JMY: variants seen among roughly 807,000 people sequenced by gnomAD.
JMY encodes junction mediating and regulatory protein, p53 cofactor.
A neutral mutation model predicts 103.3 loss-of-function variants in JMY; 46 were observed. The ratio of observed to expected loss-of-function variants is 0.45; its 90% CI spans 0.35 to 0.57. The LOEUF (loss-of-function observed/expected upper bound fraction) is 0.57, where lower values mean the gene tolerates loss of function less well. Among genes scored for constraint, JMY ranks in the 20% least tolerant of loss-of-function variants. The probability of loss-of-function intolerance (pLI) is 0.00; values close to 1 mark genes in which losing one functional copy is unlikely to be tolerated. For synonymous variants in JMY, 526 were observed against 489.3 expected, an observed-to-expected ratio of 1.07 and a Z score of -0.99; for missense variants, 1,238 against 1,255.2, an observed-to-expected ratio of 0.99 and a Z score of 0.21.
chr5:79,271,513 C>CCCAG (rs1745782314), intron 1 of JMY, among the ~76,000 whole-genome samples: 1 of 152,104 alleles, frequency 6.6e-6, no homozygotes, highest in East Asian at 1.9e-4. Context: ...GGGCCTGATG[C>CCCAG]ATTCTGTTTT....
chr5:79,302,565 C>T (rs1580365962), intron 6 of JMY, among the ~76,000 whole-genome samples: 1 of 152,156 alleles, frequency 6.6e-6, no homozygotes, highest in Non-Finnish European at 1.5e-5. Flanking sequence ...ACAAGCAGGA[C>T]AGAATAGTTT....
intron 10 of JMY, among the ~76,000 whole-genome samples, chr5:79,319,813 C>T (rs1054220146): frequency 6.6e-6 from 1 of 152,112 alleles, no homozygotes; most frequent in Non-Finnish European, 1.5e-5. Flanking sequence ...CTCCTGATCT[C>T]AGGTGATCCA....
chr5:79,264,722 C>A (rs562956340), intron 1 of JMY, among the ~76,000 whole-genome samples: 23 of 152,226 alleles, frequency 1.5e-4, no homozygotes, highest in Non-Finnish European at 2.5e-4. Context: ...CCTTCTAACG[C>A]TGAAGATCAT....
intron 10 of JMY, among the ~76,000 whole-genome samples, chr5:79,319,666 G>A (rs1430353423): frequency 6.6e-6 from 1 of 151,218 alleles, no homozygotes; most frequent in East Asian, 2.0e-4. Flanking sequence ...ACTGCAACCT[G>A]TGCCTCGTGA....
chr5:79,237,237 T>C lies in JMY; in HGVS notation c.587T>C (p.Leu196Pro), dbSNP rs1744549740. Residue 196 changes from leucine (L) to proline (P), a missense_variant, in exon 1 of 11, where the codon CTG (leucine) becomes CCG (proline). Physicochemically the swap from Leu to Pro is moderately conservative, Grantham distance 98. Transcript: ENST00000396137. ...ACGGTCTCCGAGGAGATAGAGGTGC[T>C]GGAAATGGTGAAGGAGGACGAGGCA... The part of the protein sequence containing the change: ...SGTVSEEIEV[L>P]EMVKEDEAPL... The C allele has an allele frequency of 6.4e-7, 1 of 1,550,418 alleles. No homozygotes were observed. The highest frequency in any genetic ancestry group is 8.7e-7 in the Non-Finnish European group (1 of 1,146,932).
At chr5:79,287,530 C>T (rs558682836) in intron 2 of JMY, among the ~76,000 whole-genome samples, 23 of 152,142 alleles carry the variant, frequency 1.5e-4, no homozygotes, top group Non-Finnish European at 2.9e-4. Flanking sequence ...CTTGTAGTGT[C>T]AGCTTGCTGG....
In JMY at chr5:79,322,314, C is replaced by T. The variant is rs1438310878; in HGVS notation, c.*712C>T. 18 of 152,160 alleles carry T rather than the reference C, an allele frequency of 1.2e-4. No individual in the cohort carries two copies. The highest frequency in any genetic ancestry group is 1.2e-3 in the Admixed American group (18 of 15,270). The allele number at this position is 152,160 out of a possible 1,614,324, so 9.4% of individuals were successfully genotyped here. A position where few individuals can be genotyped will look rare whatever the true frequency, so the allele number is the denominator to read the frequency against. On this transcript the variant is annotated 3_prime_UTR_variant, in exon 11 of 11. Transcript: ENST00000396137. The stretch of plus-strand genomic sequence containing the variant: ...GTTTCCGTGCTTTTAAATCACTCTT[C>T]ATATTTCTTGAATTTATAATAGTTT...
intron 1 of JMY, among the ~76,000 whole-genome samples, chr5:79,244,047 C>G (rs1382740811): frequency 3.3e-5 from 5 of 150,786 alleles, no homozygotes. Context: ...GTCACCCAGG[C>G]TGGAGTGCAG....
intron 4 of JMY, among the ~76,000 whole-genome samples, chr5:79,298,912 A>T (rs1229976655): frequency 6.6e-6 from 1 of 152,222 alleles, no homozygotes; most frequent in Non-Finnish European, 1.5e-5. Flanking sequence ...ATGTGCTGAC[A>T]GGTTTTACCA....
intron 3 of JMY, 40 bp from the exon 4 acceptor site, chr5:79,291,087 AGTT>A (rs2112098538): frequency 6.5e-6 from 9 of 1,386,454 alleles, no homozygotes; most frequent in Non-Finnish European, 8.8e-6. Context: ...TTCAGTATTA[AGTT>A]GTTATTTGTC....
chr5:79,283,449 G>A (rs1252903054), intron 2 of JMY, among the ~76,000 whole-genome samples: 2 of 152,114 alleles, frequency 1.3e-5, no homozygotes, highest in African/African-American at 2.4e-5. Flanking sequence ...CATCCCAAAT[G>A]TATAATGTAT....
chr5:79,279,351 T>C (rs1746043438), intron 2 of JMY, among the ~76,000 whole-genome samples: 1 of 152,022 alleles, frequency 6.6e-6, no homozygotes, highest in Non-Finnish European at 1.5e-5. Flanking sequence ...AAATTAAATT[T>C]TTTCCCCCAC....
intron 4 of JMY, among the ~76,000 whole-genome samples, chr5:79,299,471 C>A (rs1283525214): frequency 6.6e-6 from 1 of 152,104 alleles, no homozygotes; most frequent in African/African-American, 2.4e-5. Context: ...CACTCCAGCA[C>A]CGAGAACTGA....
chr5:79,258,815 G>C (rs1745333332), intron 1 of JMY, among the ~76,000 whole-genome samples: 1 of 152,194 alleles, frequency 6.6e-6, no homozygotes, highest in Non-Finnish European at 1.5e-5. Flanking sequence ...CTCCCCAGAG[G>C]GCCACAGCTC....
intron 1 of JMY, among the ~76,000 whole-genome samples, chr5:79,261,956 A>ATT (rs1361998522): frequency 1.3e-5 from 2 of 152,230 alleles, no homozygotes; most frequent in Non-Finnish European, 2.9e-5. Flanking sequence ...GAATCAATAG[A>ATT]GCAAAATCAT....
intron 1 of JMY, among the ~76,000 whole-genome samples, chr5:79,246,476 G>A (rs1744906498): frequency 6.6e-6 from 1 of 152,200 alleles, no homozygotes; most frequent in African/African-American, 2.4e-5. Context: ...GTGAGTTTGA[G>A]ACCTGACTTC....
At chr5:79,312,085 A>G (rs1241514449) in intron 7 of JMY, among the ~76,000 whole-genome samples, 4 of 152,074 alleles carry the variant, frequency 2.6e-5, no homozygotes, top group African/African-American at 9.7e-5. Context: ...CCAAAGTGCT[A>G]GGATTATAGG....
At chr5:79,278,160 A>C in intron 2 of JMY, 77 bp downstream of exon 2, 1 of 1,028,430 alleles carries the variant, frequency 9.7e-7, no homozygotes. Flanking sequence ...GTTATCCACA[A>C]GAGGAACTTT....
At chr5:79,318,032 C>T (rs1580376624) in intron 10 of JMY, among the ~76,000 whole-genome samples, 1 of 152,290 alleles carries the variant, frequency 6.6e-6, no homozygotes, top group Non-Finnish European at 1.5e-5. Context: ...GACAGGGTTT[C>T]ACTCTCTCAC....
Sources: allele counts gnomAD v4.1 joint callset (sites outside exome capture counted in the v4.1 genomes callset), GRCh38; gene constraint gnomAD v4.1.1; transcripts MANE v1.5; gene names NCBI Gene and HGNC (gene_info 2026-07-23, HGNC 2026-07-21).